The following ADAM12 variants were observed in gnomAD, a reference collection of about 807,000 sequenced individuals.
ADAM12 encodes the protein disintegrin and metalloproteinase domain-containing protein 12.
Under a neutral mutation model 106.4 loss-of-function variants are expected in ADAM12, and 70 were observed. The observed-to-expected ratio is 0.66, with a 90% CI of 0.54 to 0.80. The LOEUF is 0.80. ADAM12 is among the 30% of genes least tolerant of loss of function. ADAM12 has a pLI of 0.00. For synonymous variants in ADAM12, 420 were observed against 433.5 expected, an observed-to-expected ratio of 0.97 and a Z score of 0.39; for missense variants, 1,010 against 1,171.9, an observed-to-expected ratio of 0.86 and a Z score of 2.02.
At chr10:126,360,677 A>C (rs1855710822) in intron 1 of ADAM12, among the ~76,000 whole-genome samples, 1 of 152,220 alleles carries the variant, frequency 6.6e-6, no homozygotes, top group African/African-American at 2.4e-5. Context: ...GTCTCTAGGG[A>C]GTTCCAAACT....
chr10:126,354,329 C>T (rs528418186), intron 1 of ADAM12, among the ~76,000 whole-genome samples: 12 of 152,210 alleles, frequency 7.9e-5, no homozygotes, highest in African/African-American at 1.7e-4. Flanking sequence ...GTTAGTTTAA[C>T]GCAATTGGCT....
Position 126,388,050 on chromosome 10 carries a change from C to T in ADAM12, c.88+8G>A. ...CGGGCAGCGAGCCGCCCTAGTTCGG[C>T]GACTTACCTCGGGCCTCGCAGGGCG... On this transcript the variant is annotated splice_region_variant and intron_variant, in intron 1 of 22. Transcript: ENST00000448723. The surrounding 1 kb of genome is among the most constrained non-coding windows in gnomAD (Gnocchi z 4.4). The T allele has an allele frequency of 1.6e-6, 2 of 1,216,854 alleles. No individual in the cohort carries two copies. The highest frequency in any genetic ancestry group is 2.0e-6 in the Non-Finnish European group (2 of 977,514). The allele number at this position is 1,216,854 out of a possible 1,614,324, so 75.4% of individuals were successfully genotyped here.
chr10:126,283,215 C>T (rs1400483587), intron 2 of ADAM12, among the ~76,000 whole-genome samples: 1 of 152,116 alleles, frequency 6.6e-6, no homozygotes, highest in Non-Finnish European at 1.5e-5. Context: ...GGGAGCTGCT[C>T]TAAATACAGA....
chr10:126,210,042 C>T (rs1433352252), intron 3 of ADAM12, among the ~76,000 whole-genome samples: 12 of 152,226 alleles, frequency 7.9e-5, no homozygotes, highest in Non-Finnish European at 4.4e-5. Flanking sequence ...AACTCTCAGG[C>T]TTGGTTTTTG....
chr10:126,265,812 C>T (rs537060015), intron 3 of ADAM12, among the ~76,000 whole-genome samples: 5 of 152,098 alleles, frequency 3.3e-5, no homozygotes, highest in Non-Finnish European at 7.4e-5. Context: ...TATTAAAAGA[C>T]ACATTAAAAA....
At chr10:126,020,402 C>T (rs1953741663) in intron 21 of ADAM12, among the ~76,000 whole-genome samples, 1 of 152,056 alleles carries the variant, frequency 6.6e-6, no homozygotes. Context: ...GTCTGAGGGG[C>T]AAGTCAAGCT....
chr10:126,343,824 CTTCTT>C (rs1366794632), intron 1 of ADAM12, among the ~76,000 whole-genome samples: 2 of 152,138 alleles, frequency 1.3e-5, no homozygotes, highest in Admixed American at 1.3e-4. Flanking sequence ...GCATAAATGT[CTTCTT>C]TTGAGAAGTG....
At chr10:126,284,942 G>A (rs753065024) in intron 2 of ADAM12, among the ~76,000 whole-genome samples, 9 of 152,174 alleles carry the variant, frequency 5.9e-5, no homozygotes, top group Admixed American at 2.0e-4. Flanking sequence ...CTTTTGCAGC[G>A]TTCAGGGCTC....
intron 3 of ADAM12, among the ~76,000 whole-genome samples, chr10:126,179,035 A>G (rs2133779222): frequency 6.6e-6 from 1 of 152,216 alleles, no homozygotes; most frequent in Non-Finnish European, 1.5e-5. Context: ...CAACACAGTG[A>G]GACTCTTATC....
intron 3 of ADAM12, among the ~76,000 whole-genome samples, chr10:126,202,634 G>A (rs546910558): frequency 3.5e-4 from 54 of 152,222 alleles, no homozygotes; most frequent in Admixed American, 2.0e-3. Context: ...GACAACGAAA[G>A]TAAAATTGCA....
chr10:126,057,244 T>C (rs1454005013), intron 14 of ADAM12, among the ~76,000 whole-genome samples: 2 of 65,404 alleles, frequency 3.1e-5, no homozygotes, highest in East Asian at 5.1e-4. Flanking sequence ...AGGGATAGCA[T>C]TGGGAGATAT....
chr10:126,347,587 CATT>C (rs1277321983), intron 1 of ADAM12, among the ~76,000 whole-genome samples: 1 of 152,036 alleles, frequency 6.6e-6, no homozygotes, highest in Non-Finnish European at 1.5e-5. Context: ...AATAGCCAAT[CATT>C]ATAAAGAGAA....
chr10:126,144,852 G>A (rs946497800), intron 4 of ADAM12, among the ~76,000 whole-genome samples: 1 of 152,218 alleles, frequency 6.6e-6, no homozygotes, highest in African/African-American at 2.4e-5. Flanking sequence ...CCCCGACTGA[G>A]TGCCAGGCTC....
rs1045335384 is a variant in ADAM12, at chr10:126,014,595, C to T, written c.*2684G>A. ...GGAGAATGTTAGGCTTCGTTTCCCT[C>T]GGTTGCTACACATCTGATTACATGT... On this transcript the variant is annotated 3_prime_UTR_variant, in exon 23 of 23. Transcript: ENST00000448723. 6.6e-5 allele frequency: 10 copies of T among 152,032 alleles called. No homozygotes were observed. Among genetic ancestry groups the T allele is most frequent in the Admixed American group, 2.0e-4 (3 of 15,274 alleles). 9.4% of individuals were successfully genotyped at this position (152,032 alleles called of 1,614,324 possible).
At chr10:126,055,869 A>G (rs536118761) in intron 14 of ADAM12, among the ~76,000 whole-genome samples, 52 of 152,308 alleles carry the variant, frequency 3.4e-4, no homozygotes, top group African/African-American at 1.2e-3. Context: ...GTCACGGCCT[A>G]CCCCCTGCAC....
chr10:126,375,909 C>CTT (rs111857581), intron 1 of ADAM12, among the ~76,000 whole-genome samples: 3 of 145,138 alleles, frequency 2.1e-5, no homozygotes, highest in African/African-American at 5.1e-5. Context: ...ACATATATGA[C>CTT]TTTTTTTTTT....
chr10:126,047,463 C>T (rs889924651), intron 16 of ADAM12, among the ~76,000 whole-genome samples: 1 of 152,122 alleles, frequency 6.6e-6, no homozygotes, highest in Admixed American at 6.5e-5. Flanking sequence ...ATCCCTGAGC[C>T]CTCAGAGAAC....
intron 3 of ADAM12, among the ~76,000 whole-genome samples, chr10:126,233,717 C>T (rs935761745): frequency 2.0e-5 from 3 of 152,048 alleles, no homozygotes; most frequent in African/African-American, 2.4e-5. Context: ...CACTTGTGAA[C>T]CAAATGTTTC....
At chr10:126,378,707 T>G (rs1056658547) in intron 1 of ADAM12, among the ~76,000 whole-genome samples, 19 of 152,210 alleles carry the variant, frequency 1.2e-4, no homozygotes, top group African/African-American at 4.3e-4. Flanking sequence ...ATTTTACATC[T>G]TTAAATGTTG....
Sources: allele counts gnomAD v4.1 joint callset (sites outside exome capture counted in the v4.1 genomes callset), GRCh38; gene constraint gnomAD v4.1.1; non-coding constraint Gnocchi (gnomAD v3.1); transcripts MANE v1.5; gene names NCBI Gene and HGNC (gene_info 2026-07-23, HGNC 2026-07-21).